Variants in ADAM9 observed in about 807,000 individuals in gnomAD.
ADAM9 encodes ADAM metallopeptidase domain 9.
In ADAM9, 54 loss-of-function variants were observed where a neutral mutation model predicts 108.1. The ratio of observed to expected loss-of-function variants is 0.50; its 90% confidence interval spans 0.40 to 0.63. The LOEUF (loss-of-function observed/expected upper bound fraction) is 0.63. Among genes scored for constraint, ADAM9 ranks in the 20% least tolerant of loss-of-function variants. The pLI, the probability that ADAM9 is intolerant of heterozygous loss-of-function variation, is 0.00. For missense variants in ADAM9, 830 were observed against 997.7 expected (o/e 0.83, Z 2.26); for synonymous variants, 316 against 336.0 (o/e 0.94, Z 0.65).
At chr8:39,082,883 T>A in intron 17 of ADAM9, 85 bp from the exon 18 acceptor site, 1 of 1,366,438 alleles carries the variant, frequency 7.3e-7, no homozygotes, top group South Asian at 1.2e-5. Flanking sequence ...ATGAATTTAG[T>A]CCTTTCTCTT....
At chr8:39,084,248 G>T (rs1434411877) in intron 18 of ADAM9, among the ~76,000 whole-genome samples, 3 of 151,544 alleles carry the variant, frequency 2.0e-5, no homozygotes, top group Non-Finnish European at 4.4e-5. Flanking sequence ...TGAAATATGT[G>T]CCTTGTATAT....
intron 6 of ADAM9, 140 bp downstream of exon 6, chr8:39,017,554 G>A (rs1012467439): frequency 2.5e-6 from 2 of 803,772 alleles, no homozygotes; most frequent in Non-Finnish European, 4.1e-6. Flanking sequence ...ATTGTGATAG[G>A]TACTAGGGGA....
chr8:39,007,305 C>T (rs149828005), intron 1 of ADAM9, among the ~76,000 whole-genome samples: 84 of 152,306 alleles, frequency 5.5e-4, no homozygotes, highest in African/African-American at 2.0e-3. Flanking sequence ...ATGAGGGATC[C>T]ACTTCAATGA....
At chr8:38,997,659 C>T (rs1020736047) in intron 1 of ADAM9, among the ~76,000 whole-genome samples, 5 of 152,208 alleles carry the variant, frequency 3.3e-5, no homozygotes, top group Non-Finnish European at 7.3e-5. Context: ...TTTTGACGTT[C>T]ATGGTATCCT....
At position 39,057,061 on chromosome 8, in the gene ADAM9, C is replaced by T. The variant is rs116813651; in HGVS notation, c.1591+1289C>T. On this transcript the variant is annotated intron_variant, in intron 14 of 21. Coordinates refer to ENST00000487273, the MANE Select transcript of ADAM9 (RefSeq NM_003816.3). ...TAGATACCTTTTCTATGTTTAGATA[C>T]GTTTAGATGCCATTGTGTTACCATT... is the stretch of plus-strand genomic sequence containing the variant. Among the ~76,000 whole-genome samples the T allele has an allele frequency of 7.8e-3, 1,192 of 152,154 alleles. 16 individuals are homozygous for T. Among genetic ancestry groups the T allele is most frequent in the African/African-American group, 0.028 (1,146 of 41,508 alleles).
intron 11 of ADAM9, among the ~76,000 whole-genome samples, chr8:39,037,105 G>A (rs1197709421): frequency 7.9e-6 from 1 of 126,202 alleles, no homozygotes; most frequent in East Asian, 2.4e-4. Flanking sequence ...CACCCAGGCT[G>A]GAGTGCAGTG....
chr8:39,025,958 C>T (rs1273400047), intron 10 of ADAM9, 74 bp downstream of exon 10: 3 of 1,409,254 alleles, frequency 2.1e-6, no homozygotes, highest in Non-Finnish European at 3.0e-6. Flanking sequence ...CTGTATACTT[C>T]CTCCCCTGGT....
chr8:39,032,472 G>C (rs918166471), intron 11 of ADAM9, among the ~76,000 whole-genome samples: 1 of 152,266 alleles, frequency 6.6e-6, no homozygotes, highest in South Asian at 2.1e-4. Context: ...AGGACCCGCC[G>C]AGCCAGGCGT....
intron 10 of ADAM9, among the ~76,000 whole-genome samples, 186 bp downstream of exon 10, chr8:39,026,070 T>G (rs1836910576): frequency 6.6e-6 from 1 of 152,190 alleles, no homozygotes; most frequent in Admixed American, 6.5e-5. Flanking sequence ...TGCTATGTGT[T>G]TATTAGCTCT....
intron 12 of ADAM9, 56 bp from the exon 13 acceptor site, chr8:39,054,425 A>G (rs1588390364): frequency 2.8e-6 from 4 of 1,435,944 alleles, no homozygotes; most frequent in Non-Finnish European, 3.9e-6. Context: ...AATTTTATTA[A>G]TGAGTATTCA....
intron 5 of ADAM9, 52 bp downstream of exon 5, chr8:39,016,246 T>A (rs368156132): frequency 2.0e-5 from 29 of 1,469,796 alleles, no homozygotes; most frequent in Middle Eastern, 1.7e-4. Flanking sequence ...TGTCTTACCC[T>A]CTTTCCTGTT....
At chr8:39,045,496 A>ACACACACCTATATGTGCGTGTGTG (rs1564302361) in intron 12 of ADAM9, among the ~76,000 whole-genome samples, 3 of 22,904 alleles carry the variant, frequency 1.3e-4, no homozygotes, top group Non-Finnish European at 2.7e-4. Context: ...GTGCGTGTGT[A>ACACACACCTATATGTGCGTGTGTG]TACATATGTG....
At chr8:39,032,748 C>T (rs917916655) in intron 11 of ADAM9, among the ~76,000 whole-genome samples, 2 of 152,198 alleles carry the variant, frequency 1.3e-5, no homozygotes, top group African/African-American at 4.8e-5. Context: ...CCATCTTCTG[C>T]GTCTGTTACA....
At chr8:39,048,722 G>T (rs1159341292) in intron 12 of ADAM9, among the ~76,000 whole-genome samples, 1 of 152,068 alleles carries the variant, frequency 6.6e-6, no homozygotes, top group Non-Finnish European at 1.5e-5. Flanking sequence ...CTTCAGTTTT[G>T]TCAGTGCTTG....
chr8:39,003,723 G>A (rs1458122017), intron 1 of ADAM9, among the ~76,000 whole-genome samples: 1 of 152,116 alleles, frequency 6.6e-6, no homozygotes, highest in Non-Finnish European at 1.5e-5. Flanking sequence ...TGGTTGCTTG[G>A]ATTTTAGAAG....
intron 2 of ADAM9, 152 bp downstream of exon 2, chr8:39,008,135 G>A: frequency 1.6e-6 from 1 of 616,858 alleles, no homozygotes; most frequent in South Asian, 1.9e-5. Flanking sequence ...TCCCCTGGAT[G>A]TTATGCTAGT....
chr8:39,048,450 G>A (rs1344178116), intron 12 of ADAM9, among the ~76,000 whole-genome samples: 1 of 152,104 alleles, frequency 6.6e-6, no homozygotes, highest in Non-Finnish European at 1.5e-5. Flanking sequence ...TATTTGGTAT[G>A]ATTTCAGTCT....
chr8:39,075,850 T>G (rs1246358302), intron 15 of ADAM9: 2 of 152,178 alleles, frequency 1.3e-5, no homozygotes, highest in East Asian at 3.8e-4. Context: ...TTTATCTCAT[T>G]TTTTTCAGCT....
chr8:39,054,293 T>C (rs1168020996), intron 12 of ADAM9, among the ~76,000 whole-genome samples, 188 bp from the exon 13 acceptor site: 1 of 152,190 alleles, frequency 6.6e-6, no homozygotes, highest in Non-Finnish European at 1.5e-5. Context: ...CTTTGAAATA[T>C]GTTGAGACTT....
Sources: allele counts gnomAD v4.1 joint callset (sites outside exome capture counted in the v4.1 genomes callset), GRCh38; gene constraint gnomAD v4.1.1; transcripts MANE v1.5; gene names NCBI Gene and HGNC (gene_info 2026-07-23, HGNC 2026-07-21).